Variants in NFS1 observed in about 807,000 individuals in gnomAD.
NFS1 encodes NFS1 cysteine desulfurase, also known as cysteine desulfurase.
In NFS1, 26 loss-of-function variants were observed where a neutral mutation model predicts 57.3. That is an observed-to-expected ratio of 0.45 (90% CI 0.33 to 0.63). NFS1 has a LOEUF of 0.63. NFS1 is among the 20% of genes least tolerant of loss of function. NFS1 has a pLI of 0.02. For missense variants in NFS1, 505 were observed against 605.8 expected, an observed-to-expected ratio of 0.83 and a Z score of 1.75; for synonymous variants, 209 against 216.3, an observed-to-expected ratio of 0.97 and a Z score of 0.30.
chr20:35,674,899 C>T lies in NFS1; in HGVS notation c.948+146G>A, dbSNP rs938855700. ...GAAGCCCATAATGTCTCCCTCAGAA[C>T]AAGGTGCCAGCAGCACCAGGACAAG... On this transcript the variant is annotated intron_variant, in intron 8 of 12. Coordinates refer to ENST00000374092, the MANE Select transcript of NFS1 (RefSeq NM_021100.5). The T allele has an allele frequency of 1.7e-5, 19 of 1,087,554 alleles. No individual in the cohort carries two copies. The African/African-American group carries it at 2.7e-4, about 15-fold the overall frequency. 67.4% of individuals were successfully genotyped at this position (1,087,554 alleles called of 1,614,324 possible). A position where few individuals can be genotyped will look rare whatever the true frequency, so the allele number is the denominator to read the frequency against.
intron 4 of NFS1, chr20:35,692,186 C>CA: frequency 8.6e-6 from 2 of 231,220 alleles, no homozygotes; most frequent in South Asian, 5.0e-5. Context: ...AACTCTGTCT[C>CA]AAAAAATAAA....
At position 35,674,625 on chromosome 20, in the gene NFS1, G is replaced by A; in HGVS notation, c.949-8C>T. 1.2e-6 allele frequency: 2 copies of A among 1,608,330 alleles called. No individual in the cohort carries two copies. The highest frequency in any genetic ancestry group is 1.3e-5 in the African/African-American group (1 of 74,910). ...GATTCGCTTGTGGTCATACTAAGGA[G>A]CAGGCAAGGAAGGATTAGGCAGTAA... On this transcript the variant is annotated splice_polypyrimidine_tract_variant and splice_region_variant and intron_variant, in intron 8 of 12. Transcript: ENST00000374092.
intron 4 of NFS1, among the ~76,000 whole-genome samples, chr20:35,693,188 T>C (rs906851911): frequency 1.3e-5 from 2 of 151,880 alleles, no homozygotes; most frequent in African/African-American, 4.8e-5. Context: ...CTGCAACCTC[T>C]GCCTCCCGAG....
At position 35,676,742 on chromosome 20, in the gene NFS1, T is replaced by A. The variant is rs1376846791; in HGVS notation, c.791-1540A>T. Reference sequence around the variant, plus strand: ...AAAAACCCAAGAAATTGCCTCCCAATAACCAGAGAAAATCAGAAAAAAAAA... The same window carrying A: ...AAAAACCCAAGAAATTGCCTCCCAAAAACCAGAGAAAATCAGAAAAAAAAA... On this transcript the variant is annotated intron_variant, in intron 7 of 12. Coordinates refer to ENST00000374092, the MANE Select transcript of NFS1 (RefSeq NM_021100.5). Among the ~76,000 whole-genome samples the A allele has an allele frequency of 1.6e-4, 6 of 38,062 alleles. No homozygotes were observed. The Admixed American group carries it at 2.5e-3, about 16-fold the overall frequency. 25.0% of individuals were successfully genotyped at this position (38,062 alleles called of 152,430 possible). A position where few individuals can be genotyped will look rare whatever the true frequency, so the allele number is the denominator to read the frequency against.
chr20:35,687,319 C>T (rs1330654580), intron 5 of NFS1, among the ~76,000 whole-genome samples: 8 of 152,222 alleles, frequency 5.3e-5, no homozygotes, highest in Non-Finnish European at 2.9e-5. Flanking sequence ...ATCCTGTACA[C>T]CTGGCTCTGC....
At chr20:35,673,292 A>C (rs895572918) in intron 11 of NFS1, among the ~76,000 whole-genome samples, 1 of 151,806 alleles carries the variant, frequency 6.6e-6, no homozygotes, top group African/African-American at 2.4e-5. Flanking sequence ...TGTCTCAGAA[A>C]AAAAAAAAAG....
intron 11 of NFS1, 73 bp downstream of exon 11, chr20:35,673,528 G>C: frequency 1.5e-6 from 2 of 1,367,108 alleles, no homozygotes; most frequent in South Asian, 2.4e-5. Flanking sequence ...GGTGGAAAAA[G>C]AAAAAAACTG....
chr20:35,690,573 T>C lies in NFS1; in HGVS notation c.409-8A>G, dbSNP rs770331814. The C allele has an allele frequency of 9.9e-6, 16 of 1,613,498 alleles. No individual in the cohort carries two copies. Among genetic ancestry groups the C allele is most frequent in the African/African-American group, 1.3e-5 (1 of 74,840 alleles). On this transcript the variant is annotated splice_region_variant and splice_polypyrimidine_tract_variant and intron_variant, in intron 4 of 12. Coordinates refer to ENST00000374092, the MANE Select transcript of NFS1 (RefSeq NM_021100.5). ...GTAGAATCGGGCCACCCCCTAGAAA[T>C]TGGTGGTGACAGATGGAAGGAGAAC... is the stretch of plus-strand genomic sequence containing the variant.
chr20:35,698,814 C>T, intron 1 of NFS1: 1 of 1,378,630 alleles, frequency 7.3e-7, no homozygotes. Flanking sequence ...AGTTGATATT[C>T]AAATGGTATC....
rs773889381 is a variant in NFS1, at chr20:35,690,453, G to A, written c.521C>T (p.Thr174Ile). Residue 174 changes from threonine (T) to isoleucine (I), a missense_variant, in exon 5 of 13, where the codon ACC becomes ATC. By Grantham distance (89) the Thr-to-Ile change is moderately conservative. Coordinates refer to ENST00000374092, the MANE Select transcript of NFS1 (RefSeq NM_021100.5). Reference protein sequence around the residue: ...RSLEAEGFQVTYLPVQKSGII... With the variant: ...RSLEAEGFQVIYLPVQKSGII... ...CCCACTCTTCTGCACTGGGAGGTAG[G>A]TGACCTGAAAGCCCTCAGCTTCCAG... The A allele has an allele frequency of 1.9e-6, 3 of 1,613,874 alleles. No individual in the cohort carries two copies. The highest frequency in any genetic ancestry group is 3.3e-5 in the Admixed American group (2 of 59,960).
chr20:35,689,271 T>C (rs1371780106), intron 5 of NFS1, among the ~76,000 whole-genome samples: 1 of 151,058 alleles, frequency 6.6e-6, no homozygotes, highest in Non-Finnish European at 1.5e-5. Context: ...GTGGATCACC[T>C]GAGGTCAAAA....
chr20:35,683,342 C>T (rs1244688035), intron 5 of NFS1, among the ~76,000 whole-genome samples: 2 of 149,880 alleles, frequency 1.3e-5, no homozygotes, highest in African/African-American at 2.5e-5. Context: ...ATTAGCCGGG[C>T]GCAGTGGCAG....
intron 8 of NFS1, 71 bp from the exon 9 acceptor site, chr20:35,674,688 TCTC>T (rs764368462): frequency 2.8e-5 from 34 of 1,215,502 alleles, no homozygotes; most frequent in Non-Finnish European, 3.6e-5. Flanking sequence ...GAGAAGCCCT[TCTC>T]CTATAACTGG....
At chr20:35,693,796 T>C (rs2035084073) in intron 4 of NFS1, among the ~76,000 whole-genome samples, 1 of 152,038 alleles carries the variant, frequency 6.6e-6, no homozygotes, top group Non-Finnish European at 1.5e-5. Context: ...ACCCCATCTC[T>C]ACTAAAAATA....
intron 5 of NFS1, among the ~76,000 whole-genome samples, chr20:35,683,064 C>G (rs1347632760): frequency 1.3e-5 from 2 of 149,488 alleles, no homozygotes; most frequent in South Asian, 4.3e-4. Context: ...GGCAACAGAA[C>G]AAGATTCCAT....
At chr20:35,671,589 T>A (rs142692330) in intron 12 of NFS1, among the ~76,000 whole-genome samples, 209 of 151,610 alleles carry the variant, frequency 1.4e-3, no homozygotes, top group Middle Eastern at 0.01. Context: ...ATAATAATCA[T>A]AATGAACAAT....
At chr20:35,691,738 C>CAAAAAAAAA (rs60402350) in intron 4 of NFS1, among the ~76,000 whole-genome samples, 3 of 18,150 alleles carry the variant, frequency 1.7e-4, no homozygotes, top group African/African-American at 4.1e-4. Context: ...GACTGCATCT[C>CAAAAAAAAA]AAAAAAAAAA....
intron 5 of NFS1, among the ~76,000 whole-genome samples, chr20:35,682,214 TTC>T (rs2034859477): frequency 6.6e-6 from 1 of 152,224 alleles, no homozygotes; most frequent in African/African-American, 2.4e-5. Context: ...GTTTGACAGT[TTC>T]TGTTTCTCAT....
intron 3 of NFS1, 114 bp from the exon 4 acceptor site, chr20:35,696,574 TG>T (rs1387814177): frequency 1.4e-6 from 1 of 725,860 alleles, no homozygotes; most frequent in East Asian, 2.6e-5. Context: ...TCCACCAAAT[TG>T]CCCTGGATGA....
Sources: allele counts gnomAD v4.1 joint callset (sites outside exome capture counted in the v4.1 genomes callset), GRCh38; gene constraint gnomAD v4.1.1; transcripts MANE v1.5; gene names NCBI Gene and HGNC (gene_info 2026-07-23, HGNC 2026-07-21).